The following ASB2 variants were observed in gnomAD, a reference collection of about 807,000 sequenced individuals.
The protein encoded by ASB2 is ankyrin repeat and SOCS box protein 2.
A neutral mutation model predicts 62.4 loss-of-function variants in ASB2; 58 were observed. The ratio of observed to expected loss-of-function variants is 0.93; its 90% CI spans 0.75 to 1.16. The LOEUF (loss-of-function observed/expected upper bound fraction) is 1.16. Among genes scored for constraint, ASB2 ranks in the 50% most tolerant of loss-of-function variants. ASB2 has a pLI of 0.00. For missense variants in ASB2, 928 were observed against 887.9 expected (o/e 1.05, Z -0.57); for synonymous variants, 386 against 385.3 (o/e 1.00, Z -0.02).
chr14:93,952,726 C>A (rs915160452), intron 5 of ASB2, among the ~76,000 whole-genome samples: 1 of 152,210 alleles, frequency 6.6e-6, no homozygotes, highest in Non-Finnish European at 1.5e-5. Context: ...GCAGTGCCTA[C>A]TTCATGTGCA....
At chr14:93,962,483 T>C (rs1054907272) in intron 2 of ASB2, among the ~76,000 whole-genome samples, 1 of 152,178 alleles carries the variant, frequency 6.6e-6, no homozygotes, top group African/African-American at 2.4e-5. Context: ...AAGATGCAGG[T>C]TGACCCTCCT....
Position 93,964,397 on chromosome 14 carries a change from G to C in ASB2, c.143C>G (p.Thr48Ser), listed in dbSNP as rs1264539100. The C allele has an allele frequency of 2.6e-6, 4 of 1,536,164 alleles. No homozygotes were observed. Among genetic ancestry groups the C allele is most frequent in the Non-Finnish European group, 2.6e-6 (3 of 1,146,904 alleles). The change falls in exon 2 of 10, where the codon ACT becomes AGT. Residue 48 changes from threonine (T) to serine (S), a missense_variant. Transcript: ENST00000555019. Reference protein sequence around the residue: ...SLADKTRGPTTAEATASACTN... With the variant: ...SLADKTRGPTSAEATASACTN... Reference sequence around the variant, plus strand: ...ACATGCAGACGCGGTGGCCTCAGCAGTGGTTGGGCCCCTTGTCTTGTCCGC... The same window carrying C: ...ACATGCAGACGCGGTGGCCTCAGCACTGGTTGGGCCCCTTGTCTTGTCCGC...
At chr14:93,936,131 C>T (rs1005144085) in intron 9 of ASB2, among the ~76,000 whole-genome samples, 22 of 152,314 alleles carry the variant, frequency 1.4e-4, no homozygotes, top group Middle Eastern at 3.4e-3. Flanking sequence ...GCAGAGGACA[C>T]GGAACCATGA....
chr14:93,971,232 C>A (rs559145222), intron 1 of ASB2, among the ~76,000 whole-genome samples: 1 of 152,224 alleles, frequency 6.6e-6, no homozygotes, highest in Non-Finnish European at 1.5e-5. Flanking sequence ...CAGAGCCTGC[C>A]GGGTGGTCCC....
At chr14:93,973,656 G>A (rs1355972433) in intron 1 of ASB2, among the ~76,000 whole-genome samples, 1 of 152,216 alleles carries the variant, frequency 6.6e-6, no homozygotes, top group Non-Finnish European at 1.5e-5. Context: ...CACCTCCTGA[G>A]TGAAGGGCCC....
intron 2 of ASB2, among the ~76,000 whole-genome samples, chr14:93,958,958 A>G (rs1203582201): frequency 6.6e-6 from 1 of 152,340 alleles, no homozygotes; most frequent in East Asian, 1.9e-4. Context: ...TGGCAGCAGC[A>G]ATGGTGGCCG....
chr14:93,959,917 G>A (rs1458343705), intron 2 of ASB2, among the ~76,000 whole-genome samples: 2 of 151,344 alleles, frequency 1.3e-5, no homozygotes, highest in African/African-American at 4.9e-5. Flanking sequence ...TAACAAAATC[G>A]ATTCCGCCCC....
At chr14:93,957,361 C>T in intron 2 of ASB2, 1 of 1,023,826 alleles carries the variant, frequency 9.8e-7, no homozygotes, top group Non-Finnish European at 1.2e-6. Flanking sequence ...CCCCCCACGC[C>T]CACCTGCCAG....
At chr14:93,949,811 C>T (rs551531774) in intron 6 of ASB2, among the ~76,000 whole-genome samples, 20 of 152,266 alleles carry the variant, frequency 1.3e-4, no homozygotes, top group Admixed American at 2.6e-4. Flanking sequence ...CCAGGACCCC[C>T]GGCCTGGGCT....
intron 1 of ASB2, among the ~76,000 whole-genome samples, chr14:93,970,612 G>T (rs1889731431): frequency 6.6e-6 from 1 of 152,140 alleles, no homozygotes; most frequent in African/African-American, 2.4e-5. Flanking sequence ...TACACAATAG[G>T]TATTGAATAA....
intron 9 of ASB2, among the ~76,000 whole-genome samples, chr14:93,935,104 G>A (rs1396114988): frequency 6.6e-6 from 1 of 152,182 alleles, no homozygotes; most frequent in Non-Finnish European, 1.5e-5. Context: ...GACTAGTGGT[G>A]GTGTCTCCCT....
intron 7 of ASB2, among the ~76,000 whole-genome samples, 181 bp downstream of exon 7, chr14:93,947,168 T>C (rs1016930860): frequency 6.6e-6 from 1 of 152,246 alleles, no homozygotes; most frequent in Non-Finnish European, 1.5e-5. Context: ...ATTCACTCCA[T>C]GTTGCTAACT....
chr14:93,950,610 G>A (rs1298861530), intron 6 of ASB2, among the ~76,000 whole-genome samples: 1 of 152,196 alleles, frequency 6.6e-6, no homozygotes, highest in Admixed American at 6.5e-5. Context: ...AGCGGTTGGG[G>A]TGTCAGGAGA....
At chr14:93,952,698 A>C (rs1889014667) in intron 5 of ASB2, among the ~76,000 whole-genome samples, 1 of 152,140 alleles carries the variant, frequency 6.6e-6, no homozygotes, top group African/African-American at 2.4e-5. Flanking sequence ...AGGTCCTCAT[A>C]TGTGAAAGGG....
intron 1 of ASB2, among the ~76,000 whole-genome samples, chr14:93,967,302 CG>C (rs1889623452): frequency 6.6e-6 from 1 of 151,996 alleles, no homozygotes; most frequent in African/African-American, 2.4e-5. Flanking sequence ...CCTTCAGTGG[CG>C]GGGGGAAGGG....
In ASB2 at chr14:93,955,121, A is replaced by G. The variant is rs1432877782; in HGVS notation, c.312-638T>C. On this transcript the variant is annotated intron_variant, in intron 3 of 9. Transcript: ENST00000555019. ...TGAGCTCCCTACCTCATCCTTGGAG[A>G]GTCCGTGAGAACCACGATGTCTATG... 1.3e-5 allele frequency: 6 copies of G among 456,580 alleles called. No homozygotes were observed. In the East Asian group the frequency reaches 3.5e-4, roughly 26 times the overall value. The allele number at this position is 456,580 out of a possible 1,614,324, so 28.3% of individuals were successfully genotyped here.
At chr14:93,956,321 G>A (rs1481455731) in intron 3 of ASB2, among the ~76,000 whole-genome samples, 1 of 152,208 alleles carries the variant, frequency 6.6e-6, no homozygotes, top group Non-Finnish European at 1.5e-5. Context: ...GGGCATTTTG[G>A]ATGTACCCAC....
intron 7 of ASB2, among the ~76,000 whole-genome samples, chr14:93,942,421 G>A (rs908220059): frequency 1.3e-5 from 2 of 152,210 alleles, no homozygotes; most frequent in Non-Finnish European, 2.9e-5. Flanking sequence ...GGAAGACCCA[G>A]TGCAGCAGTG....
chr14:93,964,557 C>T lies in ASB2; in HGVS notation c.-18G>A, dbSNP rs1326643331. The T allele has an allele frequency of 6.5e-6, 10 of 1,535,646 alleles. No individual in the cohort carries two copies. In the African/African-American group the frequency reaches 1.2e-4, roughly 19 times the overall value. On this transcript the variant is annotated 5_prime_UTR_variant, in exon 2 of 10. Transcript: ENST00000555019. ...GTGGCCATCCTCCTCCACCTCTCAC[C>T]CTGGCCTCCAGAACAGACACCCAGT...
Sources: allele counts gnomAD v4.1 joint callset (sites outside exome capture counted in the v4.1 genomes callset), GRCh38; gene constraint gnomAD v4.1.1; transcripts MANE v1.5; gene names NCBI Gene and HGNC (gene_info 2026-07-23, HGNC 2026-07-21).